Variants in FRMD5 observed in about 807,000 individuals in gnomAD.
The protein encoded by FRMD5 is FERM domain-containing protein 5.
Under a neutral mutation model 69.0 loss-of-function variants are expected in FRMD5, and 20 were observed. The observed-to-expected ratio is 0.29, with a 90% CI of 0.20 to 0.42. The LOEUF is 0.42. Ranked by LOEUF, FRMD5 falls within the 10% of genes least tolerant of loss-of-function variation. The pLI is 1.00. For synonymous variants in FRMD5, 271 were observed against 260.1 expected, an observed-to-expected ratio of 1.04 and a Z score of -0.40; for missense variants, 595 against 708.6, an observed-to-expected ratio of 0.84 and a Z score of 1.82.
At chr15:44,182,480 C>T (rs2078022533) in intron 1 of FRMD5, among the ~76,000 whole-genome samples, 1 of 151,924 alleles carries the variant, frequency 6.6e-6, no homozygotes, top group Non-Finnish European at 1.5e-5. Flanking sequence ...CAGGCACATG[C>T]CACCATGCTT....
At position 43,874,179 on chromosome 15, in the gene FRMD5, C is replaced by T. The variant is rs2088252282; in HGVS notation, c.1419G>A (p.Glu473=). The part of the protein sequence containing the change: ...EASTPTATEV[E]ALGGELRALC... ...GGGCCCTCAGCTCTCCCCCAAGGGC[C>T]TCCACCTCTGTAGCAGTTGGGGTGC... The change falls in exon 14 of 14, where the codon GAG becomes GAA. Residue 473 remains glutamate, a synonymous_variant. Coordinates refer to ENST00000417257, the MANE Select transcript of FRMD5 (RefSeq NM_032892.5). The T allele has an allele frequency of 6.2e-7, 1 of 1,614,114 alleles. No homozygotes were observed. The highest frequency in any genetic ancestry group is 1.1e-5 in the South Asian group (1 of 91,094).
At chr15:44,081,776 C>T (rs1157191232) in intron 1 of FRMD5, among the ~76,000 whole-genome samples, 1 of 151,924 alleles carries the variant, frequency 6.6e-6, no homozygotes, top group Admixed American at 6.6e-5. Context: ...CCCATTTTGG[C>T]CATTTTTGTG....
chr15:43,910,750 C>T (rs543988092), intron 4 of FRMD5, among the ~76,000 whole-genome samples: 4 of 152,290 alleles, frequency 2.6e-5, no homozygotes, highest in African/African-American at 9.6e-5. Context: ...TGAGCACTTA[C>T]GATCTGCCAG....
intron 1 of FRMD5, among the ~76,000 whole-genome samples, chr15:44,000,646 G>C (rs995245125): frequency 1.3e-5 from 2 of 152,080 alleles, no homozygotes; most frequent in Non-Finnish European, 1.5e-5. Context: ...TTTTAGTAGA[G>C]ACGGGGTTTT....
chr15:44,067,663 C>G (rs1404868613), intron 1 of FRMD5, among the ~76,000 whole-genome samples: 1 of 152,182 alleles, frequency 6.6e-6, no homozygotes, highest in South Asian at 2.1e-4. Context: ...GATGGTGGAG[C>G]CCTCATGACC....
intron 1 of FRMD5, among the ~76,000 whole-genome samples, chr15:44,076,877 A>G (rs931407598): frequency 2.0e-5 from 3 of 152,070 alleles, no homozygotes; most frequent in Admixed American, 6.6e-5. Flanking sequence ...TCAGTCTGAG[A>G]TGTCCAGAAA....
chr15:44,136,312 C>T (rs543857653), intron 1 of FRMD5, among the ~76,000 whole-genome samples: 4 of 152,256 alleles, frequency 2.6e-5, no homozygotes, highest in Admixed American at 1.3e-4. Context: ...GCGTGAGCCA[C>T]GGTGCCTGGC....
chr15:44,089,074 A>C (rs1894322065), intron 1 of FRMD5, among the ~76,000 whole-genome samples: 1 of 152,208 alleles, frequency 6.6e-6, no homozygotes, highest in Non-Finnish European at 1.5e-5. Flanking sequence ...TCAGGTTTCA[A>C]GAGAAAATAA....
chr15:44,038,652 C>A (rs986813138), intron 1 of FRMD5, among the ~76,000 whole-genome samples: 8 of 151,648 alleles, frequency 5.3e-5, no homozygotes, highest in Non-Finnish European at 1.0e-4. Flanking sequence ...AACTGAGGTA[C>A]CCAGTTCATC....
intron 7 of FRMD5, among the ~76,000 whole-genome samples, chr15:43,892,545 T>C (rs1323211439): frequency 1.3e-5 from 2 of 152,218 alleles, no homozygotes; most frequent in Non-Finnish European, 2.9e-5. Flanking sequence ...ATAGCAGCAG[T>C]ATGTGTTAAG....
intron 1 of FRMD5, among the ~76,000 whole-genome samples, chr15:44,063,053 C>A (rs1228320307): frequency 6.6e-6 from 1 of 152,156 alleles, no homozygotes; most frequent in Non-Finnish European, 1.5e-5. Flanking sequence ...AATCTCCAGC[C>A]TTTTCTTTTT....
At chr15:44,112,635 T>G (rs1238713062) in intron 1 of FRMD5, among the ~76,000 whole-genome samples, 1 of 151,980 alleles carries the variant, frequency 6.6e-6, no homozygotes, top group African/African-American at 2.4e-5. Flanking sequence ...CCCTGCTAAT[T>G]TTTTGTATTT....
chr15:43,950,966 G>A (rs1196777132), intron 1 of FRMD5, among the ~76,000 whole-genome samples: 2 of 152,122 alleles, frequency 1.3e-5, no homozygotes, highest in Non-Finnish European at 2.9e-5. Context: ...TTCTTCCCTC[G>A]AAATGCGGTG....
rs1197439904 is a variant in FRMD5, at chr15:44,008,086, G to C, written c.103-83777C>G. Among the ~76,000 whole-genome samples, 4 of 137,940 alleles carry C rather than the reference G, an allele frequency of 2.9e-5. No individual in the cohort carries two copies. The East Asian group carries it at 8.8e-4, about 30-fold the overall frequency. The allele number at this position is 137,940 out of a possible 152,430, so 90.5% of individuals were successfully genotyped here. On this transcript the variant is annotated intron_variant, in intron 1 of 13. Transcript: ENST00000417257. ...CCTACTGAGTAGGTGGGGACAATCG[G>C]CAATTTTTTTTTTTTTTTTTTTTTT...
chr15:43,968,750 C>G (rs1322530877), intron 1 of FRMD5, among the ~76,000 whole-genome samples: 1 of 152,122 alleles, frequency 6.6e-6, no homozygotes, highest in Non-Finnish European at 1.5e-5. Context: ...AAACACATTC[C>G]TATGTTTAAC....
intron 1 of FRMD5, among the ~76,000 whole-genome samples, chr15:43,928,769 G>C (rs1350178200): frequency 6.6e-6 from 1 of 152,214 alleles, no homozygotes; most frequent in Non-Finnish European, 1.5e-5. Context: ...ACTGTGCGTT[G>C]AATGTTGTGC....
chr15:43,889,847 C>T (rs773322432), intron 8 of FRMD5, among the ~76,000 whole-genome samples: 17 of 152,132 alleles, frequency 1.1e-4, no homozygotes, highest in Non-Finnish European at 1.9e-4. Context: ...ACCCCCAAGG[C>T]GGTCTTGTCA....
chr15:44,194,834 G>C (rs969445713), intron 1 of FRMD5, 119 bp downstream of exon 1: 9 of 891,666 alleles, frequency 1.0e-5, no homozygotes, highest in African/African-American at 1.7e-5. Flanking sequence ...AACCAGGAAC[G>C]GACAAAGCAC....
At chr15:44,081,190 T>TA (rs931971350) in intron 1 of FRMD5, among the ~76,000 whole-genome samples, 6 of 151,930 alleles carry the variant, frequency 3.9e-5, no homozygotes, top group South Asian at 2.1e-4. Flanking sequence ...GCCTCATTTC[T>TA]AAAAAAAATT....
Sources: gnomAD v4.1 joint callset for allele counts (sites outside exome capture counted in the v4.1 genomes callset) on GRCh38, gnomAD v4.1.1 for gene constraint, MANE v1.5 for transcripts, NCBI Gene and HGNC (gene_info 2026-07-23, HGNC 2026-07-21) for gene names.